The following PLSCR5 variants were observed in gnomAD, a reference collection of about 807,000 sequenced individuals.
PLSCR5 encodes phospholipid scramblase family member 5, also known as phospholipid scramblase family, member 5.
In PLSCR5, 44 loss-of-function variants were observed where a neutral mutation model predicts 33.6. That is an observed-to-expected ratio of 1.31 (90% confidence interval 1.03 to 1.69). The LOEUF is 1.69. Among genes scored for constraint, PLSCR5 ranks in the 40% most tolerant of loss-of-function variants. The probability of loss-of-function intolerance (pLI) is 0.00; values close to 1 mark genes in which losing one functional copy is unlikely to be tolerated. For synonymous variants in PLSCR5, 148 were observed against 112.3 expected (o/e 1.32, Z -2.01); for missense variants, 375 against 318.7 (o/e 1.18, Z -1.34).
downstream of PLSCR5, among the ~76,000 whole-genome samples, chr3:146,584,174 G>A (rs1039090431): frequency 6.6e-6 from 1 of 152,138 alleles, no homozygotes; most frequent in Non-Finnish European, 1.5e-5. Flanking sequence ...ATTAGTTAAT[G>A]AGCATCAGCT....
At position 146,598,593 on chromosome 3, in the gene PLSCR5, C is replaced by G. The variant is rs553297119; in HGVS notation, c.189+1695G>C. ...ACAAAAATGTATTCATGTCAAGCAT[C>G]TGGCTCCGGGTGTGTCATCATTCAT... On this transcript the variant is annotated intron_variant, in intron 2 of 7. Coordinates refer to ENST00000443512, the MANE Select transcript of PLSCR5 (RefSeq NM_001085420.2). Among the ~76,000 whole-genome samples, 3 of 152,304 alleles carry G rather than the reference C, an allele frequency of 2.0e-5. No individual in the cohort carries two copies. The East Asian group carries it at 5.8e-4, about 29-fold the overall frequency.
intron 2 of PLSCR5, among the ~76,000 whole-genome samples, chr3:146,599,767 T>C (rs2044795352): frequency 6.6e-6 from 1 of 151,770 alleles, no homozygotes; most frequent in Non-Finnish European, 1.5e-5. Flanking sequence ...AGCCTTGACC[T>C]TCCTGGGCTC....
At chr3:146,592,166 T>G (rs1238495816) in intron 4 of PLSCR5, among the ~76,000 whole-genome samples, 1 of 152,056 alleles carries the variant, frequency 6.6e-6, no homozygotes, top group Non-Finnish European at 1.5e-5. Context: ...CCTAGGACAG[T>G]GGCTTCTTTG....
At chr3:146,601,817 T>C (rs1560110942) in intron 1 of PLSCR5, among the ~76,000 whole-genome samples, 1 of 152,170 alleles carries the variant, frequency 6.6e-6, no homozygotes, top group African/African-American at 2.4e-5. Context: ...AAATAAATTC[T>C]AAAAATGAAT....
chr3:146,590,971 CA>C (rs1171924005), intron 5 of PLSCR5, among the ~76,000 whole-genome samples: 5 of 149,008 alleles, frequency 3.4e-5, no homozygotes, highest in Non-Finnish European at 7.4e-5. Flanking sequence ...TCAATTTATA[CA>C]AATACGAGAA....
intron 2 of PLSCR5, among the ~76,000 whole-genome samples, chr3:146,599,286 T>C (rs1490489913): frequency 6.6e-6 from 1 of 152,164 alleles, no homozygotes; most frequent in Non-Finnish European, 1.5e-5. Flanking sequence ...TTTAAGCAAA[T>C]TGGCCTGGAG....
intron 6 of PLSCR5, among the ~76,000 whole-genome samples, chr3:146,587,440 G>A (rs74479924): frequency 0.047 from 7,227 of 152,222 alleles, 175 homozygotes; most frequent in African/African-American, 0.056. Context: ...ATGTAAAATA[G>A]GTGAGTAGGG....
downstream of PLSCR5, among the ~76,000 whole-genome samples, chr3:146,581,159 TAA>T (rs955739113): frequency 6.6e-6 from 1 of 152,192 alleles, no homozygotes; most frequent in African/African-American, 2.4e-5. Context: ...TTTACATAGC[TAA>T]AGTCAATACT....
chr3:146,589,818 T>G lies in PLSCR5; in HGVS notation c.616-4A>C, dbSNP rs2044698542. 6.6e-7 allele frequency: 1 copy of G among 1,512,942 alleles called. No individual in the cohort carries two copies. Among genetic ancestry groups the G allele is most frequent in the Non-Finnish European group, 9.0e-7 (1 of 1,110,832 alleles). The allele number at this position is 1,512,942 out of a possible 1,614,324, so 93.7% of individuals were successfully genotyped here. On this transcript the variant is annotated splice_polypyrimidine_tract_variant and splice_region_variant and intron_variant, in intron 5 of 7. Transcript: ENST00000443512. ...GCTTTTCATTAATGGTTTTCACCTTTAGAAAGAAAATAAGGAGTATTAAAT... is the reference window on the plus strand; with the variant it reads ...GCTTTTCATTAATGGTTTTCACCTTGAGAAAGAAAATAAGGAGTATTAAAT...
chr3:146,594,456 T>C (rs2044742097), intron 3 of PLSCR5, among the ~76,000 whole-genome samples: 1 of 152,110 alleles, frequency 6.6e-6, no homozygotes, highest in African/African-American at 2.4e-5. Context: ...AAAATAATTA[T>C]ATTATTGTTA....
intron 6 of PLSCR5, among the ~76,000 whole-genome samples, chr3:146,588,871 TTTTAATCACTTATGTGTGTGCC>T: frequency 6.6e-6 from 1 of 152,340 alleles, no homozygotes; most frequent in Middle Eastern, 3.4e-3. Context: ...ATGCTGTTTG[TTTTAATCACTTATGTGTGTGCC>T]TGTGTATACA....
In PLSCR5 at chr3:146,589,662, A is replaced by G. The variant is rs778899790; in HGVS notation, c.768T>C (p.Cys256=). 2 of 1,583,672 alleles carry G rather than the reference A, an allele frequency of 1.3e-6. No individual in the cohort carries two copies. The highest frequency in any genetic ancestry group is 1.7e-6 in the Non-Finnish European group (2 of 1,160,624). ...CAAAGCCCATACTTACAAAGAGAAA[A>G]CAGGCACCGATCATTGCTGCTTTGA... ...VTVKAAMIGA[C]FLFDFMFFEH... Residue 256 remains cysteine, a synonymous_variant, in exon 6 of 8, where the codon TGT becomes TGC. Coordinates refer to ENST00000443512, the MANE Select transcript of PLSCR5 (RefSeq NM_001085420.2).
intron 6 of PLSCR5, among the ~76,000 whole-genome samples, chr3:146,589,436 T>G (rs1473116374): frequency 6.6e-6 from 1 of 152,130 alleles, no homozygotes; most frequent in Non-Finnish European, 1.5e-5. Flanking sequence ...CTTCAATCTT[T>G]GAGAAAGGGG....
intron 7 of PLSCR5, among the ~76,000 whole-genome samples, chr3:146,579,991 C>G (rs1208144472): frequency 6.6e-6 from 1 of 152,164 alleles, no homozygotes; most frequent in Non-Finnish European, 1.5e-5. Context: ...CAAACACTTC[C>G]TAGCTTTGAC....
In PLSCR5 at chr3:146,591,813, A is replaced by G. The variant is rs749012883; in HGVS notation, c.522T>C (p.Pro174=). ...YVTQKWDPFL[P]KFTIQNANKE... is the part of the protein sequence containing the mutation. ...TGTTTGCATTTTGGATTGTGAATTT[A>G]GGCAGAAAGGGGTCCCACTTCTGCG... Residue 174 remains proline (P), a synonymous_variant, in exon 5 of 8, where the codon CCT becomes CCC. Coordinates refer to ENST00000443512, the MANE Select transcript of PLSCR5 (RefSeq NM_001085420.2). 1 of 1,612,374 alleles carries G rather than the reference A, an allele frequency of 6.2e-7. No individual in the cohort carries two copies.
Position 146,588,867 on chromosome 3 carries a change from T to C in PLSCR5, c.777+786A>G, listed in dbSNP as rs528944467. Among the ~76,000 whole-genome samples, 5 of 152,336 alleles carry C rather than the reference T, an allele frequency of 3.3e-5. No homozygotes were observed. In the South Asian group the frequency reaches 1.0e-3, roughly 32 times the overall value. ...CAACCTACTCTCAACTCTTATGCTG[T>C]TTGTTTTAATCACTTATGTGTGTGC... On this transcript the variant is annotated intron_variant, in intron 6 of 7. Transcript: ENST00000443512.
intron 5 of PLSCR5, chr3:146,590,246 T>G (rs993708409): frequency 6.6e-6 from 1 of 152,406 alleles, no homozygotes; most frequent in African/African-American, 2.4e-5. Flanking sequence ...CAGAAGGAAT[T>G]AAATTAATTT....
chr3:146,591,824 G>C lies in PLSCR5; in HGVS notation c.511C>G (p.Pro171Ala), dbSNP rs778602303. ...IVGYVTQKWD[P>A]FLPKFTIQNA... Reference sequence around the variant, plus strand: ...TGGATTGTGAATTTAGGCAGAAAGGGGTCCCACTTCTGCGTAACGTAACCA... The same window carrying C: ...TGGATTGTGAATTTAGGCAGAAAGGCGTCCCACTTCTGCGTAACGTAACCA... Residue 171 changes from proline to alanine, a missense_variant, in exon 5 of 8, where the codon CCC (proline) becomes GCC (alanine). By Grantham distance (27) the Pro-to-Ala change is conservative. Coordinates refer to ENST00000443512, the MANE Select transcript of PLSCR5 (RefSeq NM_001085420.2). 8 of 1,612,348 alleles carry C rather than the reference G, an allele frequency of 5.0e-6. No homozygotes were observed. The East Asian group carries it at 1.6e-4, about 31-fold the overall frequency.
chr3:146,577,793 A>G (rs917407665), intron 7 of PLSCR5, among the ~76,000 whole-genome samples: 1 of 152,194 alleles, frequency 6.6e-6, no homozygotes, highest in African/African-American at 2.4e-5. Flanking sequence ...AAAGAACAAA[A>G]TGAATACTCA....
Sources: gnomAD v4.1 joint callset for allele counts (sites outside exome capture counted in the v4.1 genomes callset) on GRCh38, gnomAD v4.1.1 for gene constraint, MANE v1.5 for transcripts, NCBI Gene and HGNC (gene_info 2026-07-23, HGNC 2026-07-21) for gene names.